The following ROBO2 variants were observed in gnomAD, a reference collection of about 807,000 sequenced individuals.
ROBO2 encodes the protein roundabout guidance receptor 2, also known as roundabout homolog 2.
A neutral mutation model predicts 160.8 loss-of-function variants in ROBO2; 53 were observed. The ratio of observed to expected loss-of-function variants is 0.33; its 90% CI spans 0.26 to 0.41. ROBO2 has a LOEUF of 0.41. Among genes scored for constraint, ROBO2 ranks in the 10% least tolerant of loss-of-function variants. The pLI, the probability that ROBO2 is intolerant of heterozygous loss-of-function variation, is 1.00. For synonymous variants in ROBO2, 664 were observed against 611.7 expected (o/e 1.09, Z -1.26); for missense variants, 1,577 against 1,722.4 (o/e 0.92, Z 1.49).
At chr3:76,429,548 T>C (rs2076354105) in intron 2 of ROBO2, among the ~76,000 whole-genome samples, 1 of 152,084 alleles carries the variant, frequency 6.6e-6, no homozygotes, top group South Asian at 2.1e-4. Context: ...ATCAGAAAAA[T>C]GTATGTTATT....
chr3:76,740,251 A>G (rs1449277923), intron 2 of ROBO2, among the ~76,000 whole-genome samples: 1 of 152,170 alleles, frequency 6.6e-6, no homozygotes, highest in Non-Finnish European at 1.5e-5. Flanking sequence ...TCGAATGGTA[A>G]CTCAGTGTGT....
intron 2 of ROBO2, among the ~76,000 whole-genome samples, chr3:76,054,302 AAAAACCTCTCCTCCCT>A (rs1308184470): frequency 2.6e-5 from 4 of 152,148 alleles, no homozygotes; most frequent in Admixed American, 6.6e-5. Context: ...GGTCAGATGG[AAAAACCTCTCCTCCCT>A]AGCCCTACCT....
At chr3:76,437,796 A>G (rs2076752478) in intron 2 of ROBO2, among the ~76,000 whole-genome samples, 1 of 152,168 alleles carries the variant, frequency 6.6e-6, no homozygotes, top group Admixed American at 6.5e-5. Flanking sequence ...ATTGCCTGCT[A>G]CTGCTGGCTG....
rs368448804 is a variant in ROBO2 at position 76,604,563 on chromosome 3, CCTAA to C, written c.110-493448_110-493445del. On this transcript the variant is annotated intron_variant, in intron 2 of 26. Coordinates refer to the ROBO2 transcript ENST00000487694. ...AATTTAGTAGATGTGTCCCTATTGG[CCTAA>C]CTTATTTTGCTTAATTATATTTTCT... Among the ~76,000 whole-genome samples, 280 of 152,112 alleles carry C rather than the reference CCTAA, an allele frequency of 1.8e-3. 1 individual carries two copies. The highest frequency in any genetic ancestry group is 6.3e-3 in the African/African-American group (263 of 41,502).
At chr3:76,233,144 T>A (rs145500145) in intron 2 of ROBO2, among the ~76,000 whole-genome samples, 2 of 152,124 alleles carry the variant, frequency 1.3e-5, no homozygotes, top group African/African-American at 4.8e-5. Context: ...TATTCTATTT[T>A]TTTTTAATTT....
At chr3:77,402,587 A>G (rs1421730253) in intron 2 of ROBO2, among the ~76,000 whole-genome samples, 1 of 152,088 alleles carries the variant, frequency 6.6e-6, no homozygotes, top group African/African-American at 2.4e-5. Flanking sequence ...GTGCACTAAA[A>G]GGCAAAATGG....
intron 2 of ROBO2, among the ~76,000 whole-genome samples, chr3:76,351,905 T>G (rs1469882771): frequency 2.0e-5 from 3 of 151,966 alleles, no homozygotes; most frequent in Admixed American, 1.3e-4. Context: ...AATCAGAAAA[T>G]GTAATCAAAG....
At chr3:76,684,944 C>G (rs2092651573) in intron 2 of ROBO2, among the ~76,000 whole-genome samples, 1 of 151,256 alleles carries the variant, frequency 6.6e-6, no homozygotes. Context: ...TTTTGTATAG[C>G]ATATGAAATA....
At chr3:77,463,557 A>G (rs1171020780) in intron 2 of ROBO2, among the ~76,000 whole-genome samples, 1 of 151,702 alleles carries the variant, frequency 6.6e-6, no homozygotes, top group Non-Finnish European at 1.5e-5. Context: ...AGGGTTATTG[A>G]AGATTATTAT....
chr3:76,383,642 C>T (rs755040964), intron 2 of ROBO2, among the ~76,000 whole-genome samples: 10 of 152,008 alleles, frequency 6.6e-5, no homozygotes, highest in Middle Eastern at 6.8e-3. Flanking sequence ...GCATAACTGA[C>T]GTGCATCTGG....
At chr3:77,397,617 T>C (rs555457632) in intron 2 of ROBO2, among the ~76,000 whole-genome samples, 5 of 152,254 alleles carry the variant, frequency 3.3e-5, no homozygotes, top group African/African-American at 1.2e-4. Flanking sequence ...TTGGCAAAAA[T>C]GTATATCTTT....
chr3:77,089,037 T>G (rs1046380838), intron 1 of ROBO2, among the ~76,000 whole-genome samples: 2 of 152,150 alleles, frequency 1.3e-5, no homozygotes, highest in Admixed American at 1.3e-4. Flanking sequence ...AAGTTTGGGA[T>G]GAATAAATAG....
chr3:77,184,231 T>C (rs984437907), intron 2 of ROBO2, among the ~76,000 whole-genome samples: 1 of 152,070 alleles, frequency 6.6e-6, no homozygotes, highest in African/African-American at 2.4e-5. Context: ...GCTTTATTTT[T>C]AAATTCTGAG....
chr3:76,798,172 G>GA (rs1560579792), intron 2 of ROBO2, among the ~76,000 whole-genome samples: 2 of 80,900 alleles, frequency 2.5e-5, no homozygotes, highest in African/African-American at 4.2e-5. Flanking sequence ...GAAAGAAAGG[G>GA]AGAGAAAGAA....
chr3:76,187,874 C>G (rs1701836737), intron 2 of ROBO2, among the ~76,000 whole-genome samples: 1 of 152,076 alleles, frequency 6.6e-6, no homozygotes, highest in Admixed American at 6.6e-5. Flanking sequence ...TAAAACCTAT[C>G]AAAAGAACCC....
intron 24 of ROBO2, 135 bp from the exon 27 acceptor site, chr3:77,644,569 A>T: frequency 1.2e-6 from 1 of 805,894 alleles, no homozygotes; most frequent in Non-Finnish European, 2.0e-6. Flanking sequence ...GGTCCTGATT[A>T]AACTTCATAA....
intron 2 of ROBO2, among the ~76,000 whole-genome samples, chr3:76,360,825 G>A (rs1378641955): frequency 6.6e-6 from 1 of 151,944 alleles, no homozygotes; most frequent in Non-Finnish European, 1.5e-5. Context: ...TCTCCTGTGT[G>A]GATGCAATGG....
At chr3:77,323,871 A>G (rs2153434485) in intron 2 of ROBO2, among the ~76,000 whole-genome samples, 1 of 152,310 alleles carries the variant, frequency 6.6e-6, no homozygotes. Context: ...TGAGATATTT[A>G]AAAATATTTT....
chr3:77,277,571 G>C (rs1259129019), intron 2 of ROBO2, among the ~76,000 whole-genome samples: 1 of 152,078 alleles, frequency 6.6e-6, no homozygotes, highest in Non-Finnish European at 1.5e-5. Flanking sequence ...TTCTGTTCCT[G>C]TGTTAGTTTG....
Sources: gnomAD v4.1 joint callset for allele counts (sites outside exome capture counted in the v4.1 genomes callset) on GRCh38, gnomAD v4.1.1 for gene constraint, MANE v1.5 for transcripts, NCBI Gene and HGNC (gene_info 2026-07-23, HGNC 2026-07-21) for gene names.